IL18: variants seen among roughly 807,000 people sequenced by gnomAD.
The protein encoded by IL18 is interleukin 18, also known as interleukin-18.
Under a neutral mutation model 14.2 loss-of-function variants are expected in IL18, and 8 were observed. That is an observed-to-expected ratio of 0.56 (90% confidence interval 0.33 to 1.01). The LOEUF (loss-of-function observed/expected upper bound fraction) is 1.01, where lower values mean the gene tolerates loss of function less well. Ranked by LOEUF, IL18 falls within the 50% of genes least tolerant of loss-of-function variation. IL18 has a pLI of 0.03. For missense variants in IL18, 166 were observed against 231.1 expected (o/e 0.72, Z 1.83); for synonymous variants, 67 against 71.0 (o/e 0.94, Z 0.28).
intron 1 of IL18, among the ~76,000 whole-genome samples, chr11:112,159,701 C>T (rs779292729): frequency 2.0e-5 from 3 of 152,154 alleles, no homozygotes; most frequent in African/African-American, 7.2e-5. Context: ...AGGGGCTGCT[C>T]GAAATCAAAC....
intron 1 of IL18, among the ~76,000 whole-genome samples, chr11:112,159,386 T>C (rs568186786): frequency 1.8e-4 from 27 of 151,264 alleles, no homozygotes; most frequent in East Asian, 3.9e-4. Flanking sequence ...TTGAACAAGA[T>C]TGGACAGAGG....
At chr11:112,163,641 G>A (rs1289408892) in intron 1 of IL18, among the ~76,000 whole-genome samples, 2 of 151,926 alleles carry the variant, frequency 1.3e-5, no homozygotes, top group African/African-American at 4.8e-5. Context: ...AATTAAAAAT[G>A]TTACTTATGC....
chr11:112,153,920 G>A (rs760831500), intron 2 of IL18, among the ~76,000 whole-genome samples: 2 of 151,830 alleles, frequency 1.3e-5, no homozygotes, highest in East Asian at 1.9e-4. Context: ...TTGCTTAAAC[G>A]GAAAGTCACC....
chr11:112,158,559 TAGC>T, intron 1 of IL18, among the ~76,000 whole-genome samples: 1 of 114,526 alleles, frequency 8.7e-6, no homozygotes. Context: ...ATACATCCCT[TAGC>T]ACTTGGATAA....
chr11:112,144,221 C>G (rs1866297152), intron 5 of IL18, among the ~76,000 whole-genome samples: 2 of 152,120 alleles, frequency 1.3e-5, no homozygotes, highest in African/African-American at 4.8e-5. Flanking sequence ...CAAACTTAGG[C>G]TAGTTCTAGT....
At chr11:112,153,274 T>G (rs1866478525) in intron 3 of IL18, 1 of 245,708 alleles carries the variant, frequency 4.1e-6, no homozygotes, top group Non-Finnish European at 7.8e-6. Context: ...CTTTTTCCTA[T>G]GCAACGCTCC....
At chr11:112,152,164 CA>C (rs1866452148) in intron 3 of IL18, among the ~76,000 whole-genome samples, 1 of 152,168 alleles carries the variant, frequency 6.6e-6, no homozygotes, top group South Asian at 2.1e-4. Flanking sequence ...TTGTATACAC[CA>C]AAACCTGCTC....
Position 112,154,413 on chromosome 11 carries a change from C to A in IL18, c.79+562G>T, listed in dbSNP as rs148798796. Among the ~76,000 whole-genome samples the A allele has an allele frequency of 3.0e-3, 454 of 151,792 alleles. 2 individuals are homozygous for A. Among genetic ancestry groups the A allele is most frequent in the Non-Finnish European group, 5.1e-3 (348 of 67,970 alleles). On this transcript the variant is annotated intron_variant, in intron 2 of 5. Coordinates refer to ENST00000280357, the MANE Select transcript of IL18 (RefSeq NM_001562.4). The stretch of plus-strand genomic sequence containing the variant: ...TGGTGGGATGCACCTGTAGTCCCAG[C>A]TACTCAGAAGGCTGAGGCAGGAGAA...
At position 112,155,038 on chromosome 11, in the gene IL18, C is replaced by T; in HGVS notation, c.16G>A (p.Val6Ile). 1 of 1,612,316 alleles carries T rather than the reference C, an allele frequency of 6.2e-7. No individual in the cohort carries two copies. The highest frequency in any genetic ancestry group is 1.1e-5 in the South Asian group (1 of 91,034). The change falls in exon 2 of 6, where the codon GTA becomes ATA. Residue 6 changes from valine (V) to isoleucine (I), a missense_variant. Physicochemically the swap from Val to Ile is conservative, Grantham distance 29 (BLOSUM62 3). Transcript: ENST00000280357. MAAEPVEDNCINFVAM... is the reference protein window; with the variant it reads MAAEPIEDNCINFVAM... ...ACAAAGTTGATGCAATTGTCTTCTA[C>T]TGGTTCAGCAGCCATCTTTATTCCT...
At chr11:112,156,191 G>A (rs1434667178) in intron 1 of IL18, among the ~76,000 whole-genome samples, 6 of 152,110 alleles carry the variant, frequency 3.9e-5, no homozygotes, top group African/African-American at 1.4e-4. Context: ...GGCCTAGCAT[G>A]TATGGTAGAG....
chr11:112,158,647 G>C (rs572067583), intron 1 of IL18, among the ~76,000 whole-genome samples: 1 of 148,992 alleles, frequency 6.7e-6, no homozygotes, highest in Non-Finnish European at 1.5e-5. Flanking sequence ...AAGAACTTCT[G>C]AGTTATTTAA....
intron 4 of IL18, among the ~76,000 whole-genome samples, 166 bp downstream of exon 4, chr11:112,149,906 C>T (rs1268046584): frequency 1.3e-5 from 2 of 152,092 alleles, no homozygotes; most frequent in Non-Finnish European, 1.5e-5. Flanking sequence ...TTTTTTACCC[C>T]AACTAAAAAA....
chr11:112,154,780 C>T (rs1226307774), intron 2 of IL18, among the ~76,000 whole-genome samples, 195 bp downstream of exon 2: 2 of 152,120 alleles, frequency 1.3e-5, no homozygotes, highest in African/African-American at 2.4e-5. Context: ...TGCCAGGACA[C>T]GTGGTGTGAC....
At position 112,143,613 on chromosome 11, in the gene IL18, C is replaced by G. The variant is rs201170165; in HGVS notation, c.565G>C (p.Val189Leu). 1.9e-5 allele frequency: 30 copies of G among 1,610,140 alleles called. No individual in the cohort carries two copies. The highest frequency in any genetic ancestry group is 2.5e-5 in the Non-Finnish European group (29 of 1,177,336). The change falls in exon 6 of 6, where the codon GTT becomes CTT. Residue 189 changes from valine to leucine, a missense_variant. Coordinates refer to ENST00000280357, the MANE Select transcript of IL18 (RefSeq NM_001562.4). ...ELGDRSIMFT[V>L]QNED Reference sequence around the variant, plus strand: ...TTTAATAGCTAGTCTTCGTTTTGAACAGTGAACATTATAGATCTATCCCCC... The same window carrying G: ...TTTAATAGCTAGTCTTCGTTTTGAAGAGTGAACATTATAGATCTATCCCCC...
At chr11:112,161,560 A>T (rs1866632734) in intron 1 of IL18, among the ~76,000 whole-genome samples, 1 of 152,220 alleles carries the variant, frequency 6.6e-6, no homozygotes. Flanking sequence ...GCACTTTGGG[A>T]GGCCGAGGCG....
At chr11:112,159,605 G>A (rs1158730917) in intron 1 of IL18, among the ~76,000 whole-genome samples, 5 of 152,148 alleles carry the variant, frequency 3.3e-5, no homozygotes, top group African/African-American at 7.2e-5. Flanking sequence ...AAAAAAGAAC[G>A]AAAATACAGC....
chr11:112,154,509 GA>G (rs112713245), intron 2 of IL18, among the ~76,000 whole-genome samples: 22,987 of 120,604 alleles, frequency 0.19, 2,052 homozygotes, highest in East Asian at 0.42. Context: ...CTGGGCAACA[GA>G]AAAAAAAAAA....
chr11:112,144,024 G>C (rs111632191), intron 5 of IL18, among the ~76,000 whole-genome samples: 3 of 152,266 alleles, frequency 2.0e-5, no homozygotes, highest in African/African-American at 7.2e-5. Context: ...TGCATATTCA[G>C]TTCCAGGCCT....
chr11:112,156,067 T>G (rs1415768968), intron 1 of IL18, among the ~76,000 whole-genome samples: 1 of 152,210 alleles, frequency 6.6e-6, no homozygotes, highest in Non-Finnish European at 1.5e-5. Flanking sequence ...TCTTATTATT[T>G]AATGTGTTGG....
Sources: gnomAD v4.1 joint callset for allele counts (sites outside exome capture counted in the v4.1 genomes callset) on GRCh38, gnomAD v4.1.1 for gene constraint, MANE v1.5 for transcripts, NCBI Gene and HGNC (gene_info 2026-07-23, HGNC 2026-07-21) for gene names.